The following KCNMB2 variants were observed in gnomAD, a reference collection of about 807,000 sequenced individuals.
KCNMB2 encodes the protein potassium calcium-activated channel subfamily M regulatory beta subunit 2, also known as calcium-activated potassium channel subunit beta-2.
In KCNMB2, 9 loss-of-function variants were observed where a neutral mutation model predicts 24.5. The observed-to-expected ratio is 0.37, with a 90% CI of 0.22 to 0.64. The LOEUF (loss-of-function observed/expected upper bound fraction) is 0.64. Ranked by LOEUF, KCNMB2 falls within the 30% of genes least tolerant of loss-of-function variation. The pLI is 0.63. For synonymous variants in KCNMB2, 109 were observed against 104.4 expected (o/e 1.04, Z -0.27); for missense variants, 226 against 284.3 (o/e 0.79, Z 1.47).
At chr3:178,580,441 C>A (rs1408192488) in intron 1 of KCNMB2, among the ~76,000 whole-genome samples, 1 of 152,046 alleles carries the variant, frequency 6.6e-6, no homozygotes, top group Non-Finnish European at 1.5e-5. Context: ...TGGAAGCATT[C>A]CCTTTGAAAA....
intron 1 of KCNMB2, among the ~76,000 whole-genome samples, chr3:178,751,659 G>A (rs1723855825): frequency 6.7e-6 from 1 of 150,152 alleles, no homozygotes. Flanking sequence ...GAAACATGCT[G>A]GCAGTTCACA....
intron 1 of KCNMB2, among the ~76,000 whole-genome samples, chr3:178,770,158 C>T (rs1054466836): frequency 2.0e-5 from 3 of 152,190 alleles, no homozygotes; most frequent in African/African-American, 4.8e-5. Context: ...AGAGCCAGTT[C>T]GGGTACTAAA....
intron 1 of KCNMB2, among the ~76,000 whole-genome samples, chr3:178,718,132 C>A (rs1722679767): frequency 6.6e-6 from 1 of 152,228 alleles, no homozygotes; most frequent in African/African-American, 2.4e-5. Flanking sequence ...AGGCTCTGAT[C>A]TGAGCCCCTT....
chr3:178,609,899 A>C (rs1158551513), intron 1 of KCNMB2, among the ~76,000 whole-genome samples: 1 of 152,130 alleles, frequency 6.6e-6, no homozygotes, highest in Non-Finnish European at 1.5e-5. Flanking sequence ...TGGCCTCCCA[A>C]AGTGCTGGGA....
intron 1 of KCNMB2, among the ~76,000 whole-genome samples, chr3:178,560,718 G>T (rs1295282223): frequency 6.6e-6 from 1 of 152,218 alleles, no homozygotes; most frequent in Non-Finnish European, 1.5e-5. Context: ...TAACATTTTT[G>T]AGCACTACGT....
intron 1 of KCNMB2, among the ~76,000 whole-genome samples, chr3:178,710,366 C>T (rs1179450460): frequency 6.6e-6 from 1 of 152,058 alleles, no homozygotes; most frequent in East Asian, 1.9e-4. Context: ...CCTTGAACTA[C>T]CCATATTCAA....
At chr3:178,827,602 G>C (rs1298153244) in intron 3 of KCNMB2, among the ~76,000 whole-genome samples, 1 of 152,200 alleles carries the variant, frequency 6.6e-6, no homozygotes, top group Non-Finnish European at 1.5e-5. Flanking sequence ...ATGACATAAT[G>C]AAAGGGTTGA....
rs916193672 is a variant in KCNMB2, at chr3:178,554,629, G to GA, written c.-68+17926dup. Among the ~76,000 whole-genome samples, 10 of 151,552 alleles carry GA rather than the reference G, an allele frequency of 6.6e-5. No homozygotes were observed. The South Asian group carries it at 1.0e-3, about 16-fold the overall frequency. On this transcript the variant is annotated intron_variant, in intron 1 of 4. Transcript: ENST00000452583. ...ACAATCAATTCTCAGGCCCCTTTCA[G>GA]AAAAAAAAGCACTTATGCTTTTCCT...
intron 1 of KCNMB2, among the ~76,000 whole-genome samples, chr3:178,678,986 TTTGTTG>T (rs10575935): frequency 4.0e-5 from 6 of 151,244 alleles, no homozygotes; most frequent in African/African-American, 1.2e-4. Flanking sequence ...CTATAATTGG[TTTGTTG>T]TTGTTGTTGT....
rs56897838 is a variant in KCNMB2, at chr3:178,606,473, C to CT, written c.-68+69778dup. Among the ~76,000 whole-genome samples, 1,326 of 138,978 alleles carry CT rather than the reference C, an allele frequency of 9.5e-3. 22 individuals carry two copies. The highest frequency in any genetic ancestry group is 0.053 in the Admixed American group (737 of 14,002). The allele number at this position is 138,978 out of a possible 152,430, so 91.2% of individuals were successfully genotyped here. Reference sequence around the variant, plus strand: ...GTTATGCCTTTCTTCTTTCCTATTTCTTTTTTTTTTTTTTTTGTGGAAATT... The same window carrying CT: ...GTTATGCCTTTCTTCTTTCCTATTTCTTTTTTTTTTTTTTTTTGTGGAAATT... On this transcript the variant is annotated intron_variant, in intron 1 of 4. Transcript: ENST00000452583.
At chr3:178,703,691 C>G (rs1381479232) in intron 1 of KCNMB2, among the ~76,000 whole-genome samples, 1 of 152,166 alleles carries the variant, frequency 6.6e-6, no homozygotes. Flanking sequence ...CTTTGAGAGT[C>G]ACATGAATGT....
chr3:178,633,192 G>A (rs919517010), intron 1 of KCNMB2, among the ~76,000 whole-genome samples: 1 of 152,160 alleles, frequency 6.6e-6, no homozygotes, highest in Non-Finnish European at 1.5e-5. Flanking sequence ...TAAGCTGTTG[G>A]TGGCTCTACC....
chr3:178,611,465 G>T lies in KCNMB2; in HGVS notation c.-68+74754G>T, dbSNP rs141756119. Among the ~76,000 whole-genome samples, 887 of 152,254 alleles carry T rather than the reference G, an allele frequency of 5.8e-3. 4 individuals carry two copies. Among genetic ancestry groups the T allele is most frequent in the African/African-American group, 0.02 (832 of 41,544 alleles). On this transcript the variant is annotated intron_variant, in intron 1 of 4. Coordinates refer to ENST00000452583, the MANE Select transcript of KCNMB2 (RefSeq NM_181361.3). ...CACGCCTGTAATCCCAGCACTTTAG[G>T]AGGCCGAAGCGGGCAGGTCACAAGG...
intron 1 of KCNMB2, among the ~76,000 whole-genome samples, chr3:178,669,387 G>T (rs943523628): frequency 1.3e-5 from 2 of 151,994 alleles, no homozygotes; most frequent in African/African-American, 4.8e-5. Flanking sequence ...GAGGAGAGAA[G>T]GAGAGGACAG....
intron 1 of KCNMB2, among the ~76,000 whole-genome samples, chr3:178,717,986 ATT>A (rs1238873703): frequency 6.6e-6 from 1 of 152,046 alleles, no homozygotes; most frequent in East Asian, 1.9e-4. Context: ...AGACTTACTT[ATT>A]TTGTTTCAAA....
intron 2 of KCNMB2, chr3:178,820,378 G>C (rs1356805151): frequency 6.6e-6 from 1 of 152,622 alleles, no homozygotes; most frequent in Non-Finnish European, 1.5e-5. Context: ...TATTTATTTG[G>C]TATCGCCAGA....
At chr3:178,645,297 G>T (rs781161724) in intron 1 of KCNMB2, among the ~76,000 whole-genome samples, 1 of 151,926 alleles carries the variant, frequency 6.6e-6, no homozygotes, top group African/African-American at 2.4e-5. Context: ...CAATCTGCCC[G>T]CCTCGGCCTC....
At chr3:178,644,168 G>A (rs989376120) in intron 1 of KCNMB2, among the ~76,000 whole-genome samples, 2 of 152,200 alleles carry the variant, frequency 1.3e-5, no homozygotes, top group African/African-American at 4.8e-5. Context: ...CTAAATCAGG[G>A]AAGGTTCCCA....
At chr3:178,626,517 G>A (rs989934002) in intron 1 of KCNMB2, among the ~76,000 whole-genome samples, 4 of 152,182 alleles carry the variant, frequency 2.6e-5, no homozygotes, top group Non-Finnish European at 5.9e-5. Context: ...ACATGGCTGG[G>A]AAGGCCTCAG....
Sources: gnomAD v4.1 joint callset for allele counts (sites outside exome capture counted in the v4.1 genomes callset) on GRCh38, gnomAD v4.1.1 for gene constraint, MANE v1.5 for transcripts, NCBI Gene and HGNC (gene_info 2026-07-23, HGNC 2026-07-21) for gene names.